The following CTSO variants were observed in gnomAD, a reference collection of about 807,000 sequenced individuals.
CTSO encodes cathepsin O.
In CTSO, 40 loss-of-function variants were observed where a neutral mutation model predicts 42.4. The observed-to-expected ratio is 0.94, with a 90% confidence interval of 0.73 to 1.23. The LOEUF (loss-of-function observed/expected upper bound fraction) is 1.23. Ranked by LOEUF, CTSO falls within the 50% of genes most tolerant of loss-of-function variation. The probability of loss-of-function intolerance (pLI) is 0.00; values close to 1 mark genes in which losing one functional copy is unlikely to be tolerated. For missense variants in CTSO, 441 were observed against 396.0 expected (o/e 1.11, Z -0.96); for synonymous variants, 156 against 146.2 (o/e 1.07, Z -0.48).
intron 5 of CTSO, among the ~76,000 whole-genome samples, chr4:155,934,385 G>A (rs1167285036): frequency 6.6e-6 from 1 of 152,248 alleles, no homozygotes; most frequent in African/African-American, 2.4e-5. Context: ...CTAGCGCAGT[G>A]CAGAAGAAAA....
In CTSO at chr4:155,929,705, A is replaced by G. The variant is rs766703907; in HGVS notation, c.675T>C (p.Ser225=). 2 of 1,609,284 alleles carry G rather than the reference A, an allele frequency of 1.2e-6. No homozygotes were observed. The change falls in exon 6 of 8, where the codon AGT becomes AGC. Residue 225 remains serine, a splice_region_variant and synonymous_variant. Coordinates refer to ENST00000433477, the MANE Select transcript of CTSO (RefSeq NM_001334.3). ...CTTTTGCCATTTCATCTTCTTGGTC[A>G]CTACCAAAAGAGGAAATATTTGGTT... The part of the protein sequence containing the change: ...SIKGYSAYDF[S]DQEDEMAKAL...
intron 1 of CTSO, among the ~76,000 whole-genome samples, chr4:155,945,904 C>T (rs542741480): frequency 4.6e-5 from 7 of 152,140 alleles, no homozygotes; most frequent in Admixed American, 3.9e-4. Context: ...AAGGAATATA[C>T]CACACACACA....
chr4:155,926,834 A>C (rs1743136107), intron 7 of CTSO, among the ~76,000 whole-genome samples: 1 of 152,210 alleles, frequency 6.6e-6, no homozygotes, highest in African/African-American at 2.4e-5. Context: ...CGTAGTTATA[A>C]TTGAGGCAAT....
At chr4:155,929,750 G>GT (rs1560784413) in intron 5 of CTSO, 45 bp from the exon 6 acceptor site, 2 of 1,552,780 alleles carry the variant, frequency 1.3e-6, no homozygotes, top group Non-Finnish European at 8.7e-7. Flanking sequence ...AGTTTTTAAG[G>GT]TAAAAATAAC....
At position 155,942,234 on chromosome 4, in the gene CTSO, C is replaced by T. The variant is rs576717454; in HGVS notation, c.384+83G>A. 1.5e-4 allele frequency: 165 copies of T among 1,133,510 alleles called. 1 individual carries two copies. In the South Asian group the frequency reaches 1.5e-3, roughly 10 times the overall value. The allele number at this position is 1,133,510 out of a possible 1,614,324, so 70.2% of individuals were successfully genotyped here. On this transcript the variant is annotated intron_variant, in intron 3 of 7. Coordinates refer to ENST00000433477, the MANE Select transcript of CTSO (RefSeq NM_001334.3). ...TGATTTTCCTAGAGAAATGATGTTT[C>T]CATTACAACTTTGATTAAACTTGAC...
chr4:155,947,033 A>AT lies in CTSO; in HGVS notation c.136-3770dup, dbSNP rs533739627. ...ACAATGCCCGGCTAATTTTTTTTGT[A>AT]TTTTTTTTAGTAGAGATGAGGTTTC... On this transcript the variant is annotated intron_variant, in intron 1 of 7. Transcript: ENST00000433477. 2.3e-3 allele frequency among the ~76,000 whole-genome samples: 350 copies of AT among 151,372 alleles called. 2 individuals are homozygous for AT. The highest frequency in any genetic ancestry group is 7.0e-3 in the African/African-American group (287 of 41,292).
intron 5 of CTSO, among the ~76,000 whole-genome samples, chr4:155,933,893 A>G (rs1743282704): frequency 6.6e-6 from 1 of 152,214 alleles, no homozygotes; most frequent in Non-Finnish European, 1.5e-5. Flanking sequence ...AGAGCATAAA[A>G]GTTCAGAAAA....
chr4:155,930,622 T>C (rs960057675), intron 5 of CTSO, among the ~76,000 whole-genome samples: 1 of 152,152 alleles, frequency 6.6e-6, no homozygotes, highest in African/African-American at 2.4e-5. Context: ...AGTTTACTGC[T>C]ATAGCAAGCC....
chr4:155,952,324 T>C (rs1394190674), intron 1 of CTSO, among the ~76,000 whole-genome samples: 1 of 152,060 alleles, frequency 6.6e-6, no homozygotes, highest in Non-Finnish European at 1.5e-5. Flanking sequence ...ACATAAATTA[T>C]ACACATATAT....
intron 3 of CTSO, among the ~76,000 whole-genome samples, chr4:155,939,948 G>A (rs2110922772): frequency 6.6e-6 from 1 of 152,186 alleles, no homozygotes; most frequent in East Asian, 1.9e-4. Context: ...GCTTTTTTAA[G>A]GACACTCTGC....
intron 4 of CTSO, 54 bp downstream of exon 4, chr4:155,939,317 A>G: frequency 6.8e-7 from 1 of 1,476,066 alleles, no homozygotes; most frequent in Admixed American, 2.0e-5. Flanking sequence ...TTGAACACAC[A>G]GTAAACAAGC....
chr4:155,943,329 A>G, intron 1 of CTSO, 65 bp from the exon 2 acceptor site: 1 of 924,812 alleles, frequency 1.1e-6, no homozygotes, highest in Non-Finnish European at 1.7e-6. Context: ...ACTGTGTATA[A>G]CTAACTTGGA....
At chr4:155,943,367 T>C in intron 1 of CTSO, 103 bp from the exon 2 acceptor site, 2 of 611,488 alleles carry the variant, frequency 3.3e-6, no homozygotes, top group East Asian at 2.7e-5. Context: ...AAGTTAAAGC[T>C]TGATTTCCTT....
chr4:155,936,619 T>C lies in CTSO; in HGVS notation c.674+743A>G, dbSNP rs145334349. Among the ~76,000 whole-genome samples, 957 of 152,330 alleles carry C rather than the reference T, an allele frequency of 6.3e-3. 7 individuals are homozygous for C. The highest frequency in any genetic ancestry group is 0.022 in the African/African-American group (922 of 41,578). On this transcript the variant is annotated intron_variant, in intron 5 of 7. Transcript: ENST00000433477. ...TATTTTGCACTCTATCAAATGGTCA[T>C]GATGAGTCTCCAGCCAGCTCTGTGT...
At chr4:155,935,654 C>A (rs1743317006) in intron 5 of CTSO, among the ~76,000 whole-genome samples, 1 of 152,130 alleles carries the variant, frequency 6.6e-6, no homozygotes, top group African/African-American at 2.4e-5. Flanking sequence ...TTAATTATTA[C>A]AGCCAATATG....
intron 5 of CTSO, among the ~76,000 whole-genome samples, chr4:155,932,430 G>C (rs935177042): frequency 2.0e-5 from 3 of 152,084 alleles, no homozygotes; most frequent in Admixed American, 6.5e-5. Context: ...AAGTACAAAG[G>C]ACCAGGTCTT....
chr4:155,950,441 C>A (rs554217262), intron 1 of CTSO, among the ~76,000 whole-genome samples: 1 of 152,192 alleles, frequency 6.6e-6, no homozygotes, highest in South Asian at 2.1e-4. Context: ...TAAATTATAA[C>A]CTATGATTTT....
intron 4 of CTSO, among the ~76,000 whole-genome samples, chr4:155,937,961 G>A (rs1278917931): frequency 1.2e-4 from 19 of 152,070 alleles, no homozygotes; most frequent in Non-Finnish European, 1.5e-5. Context: ...TTAGGTGCTT[G>A]TTCTGGATAG....
Position 155,953,736 on chromosome 4 carries a change from C to A in CTSO, c.112G>T (p.Glu38Ter). 1.6e-6 allele frequency: 2 copies of A among 1,272,318 alleles called. No homozygotes were observed. The highest frequency in any genetic ancestry group is 2.8e-5 in the South Asian group (1 of 36,136). 78.8% of individuals were successfully genotyped at this position (1,272,318 alleles called of 1,614,324 possible). ...PFTPTWPRSREREAAAFRESL... is the reference protein window; with the variant it reads ...PFTPTWPRSR ...ACCCGGAAGGCGGCGGCTTCACGCTCGCGGCTCCGCGGCCAGGTCGGGGTG... is the reference window on the plus strand; with the variant it reads ...ACCCGGAAGGCGGCGGCTTCACGCTAGCGGCTCCGCGGCCAGGTCGGGGTG... Residue 38 changes from glutamate (E) to a stop codon, truncating the protein, a stop_gained, in exon 1 of 8, where the codon GAG becomes TAG. Coordinates refer to ENST00000433477, the MANE Select transcript of CTSO (RefSeq NM_001334.3). LOFTEE classifies it high-confidence loss of function.
Sources: gnomAD v4.1 joint callset for allele counts (sites outside exome capture counted in the v4.1 genomes callset) on GRCh38, gnomAD v4.1.1 for gene constraint, MANE v1.5 for transcripts, NCBI Gene and HGNC (gene_info 2026-07-23, HGNC 2026-07-21) for gene names.